TRAPPC10: variants seen among roughly 807,000 people sequenced by gnomAD.
TRAPPC10 encodes TRAPP 130 kDa subunit.
A neutral mutation model predicts 125.5 loss-of-function variants in TRAPPC10; 23 were observed. The observed-to-expected ratio is 0.18, with a 90% CI of 0.13 to 0.26. TRAPPC10 has a LOEUF of 0.26. Ranked by LOEUF, TRAPPC10 falls within the 10% of genes least tolerant of loss-of-function variation. The pLI is 1.00. For synonymous variants in TRAPPC10, 509 were observed against 518.0 expected (o/e 0.98, Z 0.24); for missense variants, 1,123 against 1,308.4 (o/e 0.86, Z 2.19).
intron 7 of TRAPPC10, among the ~76,000 whole-genome samples, chr21:44,066,515 CT>C (rs947858211): frequency 4.6e-5 from 7 of 151,500 alleles, no homozygotes; most frequent in Admixed American, 6.6e-5. Context: ...AGAGTATTTC[CT>C]TTTTTTTTCT....
At chr21:44,088,852 G>C (rs2038351652) in intron 17 of TRAPPC10, 1 of 155,808 alleles carries the variant, frequency 6.4e-6, no homozygotes, top group Non-Finnish European at 1.4e-5. Flanking sequence ...CCCTGACACT[G>C]GCGGCACCTG....
intron 1 of TRAPPC10, 115 bp downstream of exon 1, chr21:44,012,675 T>C: frequency 1.1e-6 from 1 of 901,756 alleles, no homozygotes; most frequent in Non-Finnish European, 1.6e-6. Flanking sequence ...GCTGGGCCGC[T>C]TCCTGGAGGT....
chr21:44,092,615 C>G (rs1308851025), intron 19 of TRAPPC10, among the ~76,000 whole-genome samples: 2 of 144,974 alleles, frequency 1.4e-5, no homozygotes, highest in African/African-American at 5.2e-5. Flanking sequence ...AGGATTTGCC[C>G]CCACTAATCC....
At position 44,087,986 on chromosome 21, in the gene TRAPPC10, C is replaced by CT; in HGVS notation, c.2769+59dup. The stretch of plus-strand genomic sequence containing the variant: ...GGGGCGTCCGCCGCCCGCCTGCCTG[C>CT]TGGGAAAGGCGATGTAGCGATGCCT... On this transcript the variant is annotated intron_variant, in intron 17 of 22. Coordinates refer to ENST00000291574, the MANE Select transcript of TRAPPC10 (RefSeq NM_003274.5). This position sits in a 1 kb window ranked among gnomAD's most constrained non-coding sequence, Gnocchi z 4.6. 1 of 1,459,190 alleles carries CT rather than the reference C, an allele frequency of 6.9e-7. No homozygotes were observed. Among genetic ancestry groups the CT allele is most frequent in the South Asian group, 1.2e-5 (1 of 83,436 alleles). 90.4% of individuals were successfully genotyped at this position (1,459,190 alleles called of 1,614,324 possible). A position where few individuals can be genotyped will look rare whatever the true frequency, so the allele number is the denominator to read the frequency against.
chr21:44,022,563 C>T (rs1032126244), intron 1 of TRAPPC10, among the ~76,000 whole-genome samples: 2 of 151,032 alleles, frequency 1.3e-5, no homozygotes, highest in Non-Finnish European at 2.9e-5. Flanking sequence ...ATCCGCCCAC[C>T]TTTGCCTCCC....
At chr21:44,040,956 G>A (rs147494492) in intron 3 of TRAPPC10, among the ~76,000 whole-genome samples, 171 of 152,078 alleles carry the variant, frequency 1.1e-3, no homozygotes, top group East Asian at 8.5e-3. Context: ...TGCATTGCTG[G>A]TATAAATCCC....
intron 1 of TRAPPC10, among the ~76,000 whole-genome samples, chr21:44,021,315 G>A (rs986933078): frequency 6.6e-6 from 1 of 152,122 alleles, no homozygotes; most frequent in Non-Finnish European, 1.5e-5. Context: ...AGAGAGCAAA[G>A]ATCCCAACCC....
chr21:44,051,823 C>A (rs1011119739), intron 3 of TRAPPC10, among the ~76,000 whole-genome samples: 5 of 152,212 alleles, frequency 3.3e-5, no homozygotes, highest in Non-Finnish European at 7.3e-5. Flanking sequence ...GCCTGGGGTT[C>A]CTGTGGGCAG....
At chr21:44,013,097 G>A (rs2031355467) in intron 1 of TRAPPC10, among the ~76,000 whole-genome samples, 1 of 152,152 alleles carries the variant, frequency 6.6e-6, no homozygotes. Flanking sequence ...TCCCCGCCGC[G>A]CACTCAAACC....
At chr21:44,043,077 G>A (rs549318474) in intron 3 of TRAPPC10, among the ~76,000 whole-genome samples, 1 of 152,058 alleles carries the variant, frequency 6.6e-6, no homozygotes, top group Admixed American at 6.5e-5. Flanking sequence ...TCATAATAGT[G>A]TGTCTTTTCT....
chr21:44,079,417 G>C (rs1051809376), intron 11 of TRAPPC10, 147 bp from the exon 12 acceptor site: 9 of 773,140 alleles, frequency 1.2e-5, no homozygotes, highest in African/African-American at 7.2e-5. Context: ...CTCACGGAGT[G>C]GGGTGGGTGG....
Position 44,076,554 on chromosome 21 carries a change from A to G in TRAPPC10, c.1303A>G (p.Asn435Asp), listed in dbSNP as rs776546385. The G allele has an allele frequency of 6.2e-7, 1 of 1,613,862 alleles. No individual in the cohort carries two copies. The highest frequency in any genetic ancestry group is 8.5e-7 in the Non-Finnish European group (1 of 1,179,870). ...GLGAERPETA[N>D]TAQSPYKKLK... The stretch of plus-strand genomic sequence containing the variant: ...ACTCTCGTTTCTTTCTGTTTAAGCC[A>G]ACACAGCTCAGAGTCCTTATAAGAA... The change falls in exon 10 of 23, where the codon AAC (asparagine) becomes GAC (aspartate). Residue 435 changes from asparagine (N) to aspartate (D), a missense_variant and splice_region_variant. Asn to Asp is a conservative substitution (Grantham distance 23). Coordinates refer to ENST00000291574, the MANE Select transcript of TRAPPC10 (RefSeq NM_003274.5).
In TRAPPC10 at chr21:44,059,312, G is replaced by A. The variant is rs984761766; in HGVS notation, c.790+98G>A. 29 of 815,724 alleles carry A rather than the reference G, an allele frequency of 3.6e-5. No individual in the cohort carries two copies. The highest frequency in any genetic ancestry group is 1.6e-4 in the African/African-American group (9 of 57,984). 50.5% of individuals were successfully genotyped at this position (815,724 alleles called of 1,614,324 possible). On this transcript the variant is annotated intron_variant, in intron 6 of 22. Transcript: ENST00000291574. The surrounding 1 kb of genome is among the most constrained non-coding windows in gnomAD (Gnocchi z 4.4). ...AGCCATTTATTTACCTCAGGAGTAC[G>A]CATGTTTTGTTGTTGTCTTTATACA... is the stretch of plus-strand genomic sequence containing the variant.
rs1399288859 is a variant in TRAPPC10 at position 44,032,180 on chromosome 21, T to A, written c.149+8T>A. The A allele has an allele frequency of 4.3e-6, 7 of 1,610,392 alleles. No homozygotes were observed. Among genetic ancestry groups the A allele is most frequent in the Non-Finnish European group, 5.9e-6 (7 of 1,178,376 alleles). ...ACCAATGGAATGGAGAAGGTATGAG[T>A]TGTGTGTTTTTTGGCTGTATCCCTC... On this transcript the variant is annotated splice_region_variant and intron_variant, in intron 2 of 22. Coordinates refer to ENST00000291574, the MANE Select transcript of TRAPPC10 (RefSeq NM_003274.5).
chr21:44,025,819 GGGGT>G (rs1305066987), intron 1 of TRAPPC10, among the ~76,000 whole-genome samples: 29 of 132,200 alleles, frequency 2.2e-4, no homozygotes, highest in African/African-American at 8.2e-4. Context: ...GCAGAGGGCA[GGGGT>G]GTGTGTGTGT....
chr21:44,052,577 T>C, intron 4 of TRAPPC10, 101 bp downstream of exon 4: 1 of 1,129,466 alleles, frequency 8.9e-7, no homozygotes, highest in East Asian at 2.5e-5. Flanking sequence ...CAATCTCGAG[T>C]GAGTGTCCAT....
intron 2 of TRAPPC10, among the ~76,000 whole-genome samples, chr21:44,034,646 T>A (rs1274928188): frequency 6.6e-6 from 1 of 152,190 alleles, no homozygotes. Flanking sequence ...TACGTCCACC[T>A]GAAACCTCAG....
Position 44,087,101 on chromosome 21 carries a change from G to T in TRAPPC10, c.2539+141G>T. 1.1e-6 allele frequency: 1 copy of T among 922,738 alleles called. No individual in the cohort carries two copies. 57.2% of individuals were successfully genotyped at this position (922,738 alleles called of 1,614,324 possible). The stretch of plus-strand genomic sequence containing the variant: ...GGAGTCCGTGTTCCATAGGAGCCCT[G>T]CGGCCTGATGCCTGTGCTGGGGTCC... On this transcript the variant is annotated intron_variant, in intron 16 of 22. Coordinates refer to ENST00000291574, the MANE Select transcript of TRAPPC10 (RefSeq NM_003274.5). The surrounding 1 kb of genome is among the most constrained non-coding windows in gnomAD (Gnocchi z 4.6).
At chr21:44,086,209 G>C (rs1416470689) in intron 15 of TRAPPC10, among the ~76,000 whole-genome samples, 1 of 152,150 alleles carries the variant, frequency 6.6e-6, no homozygotes, top group Admixed American at 6.5e-5. Flanking sequence ...AGTGTCCCCT[G>C]TCTCTGTCCA....
Sources: gnomAD v4.1 joint callset for allele counts (sites outside exome capture counted in the v4.1 genomes callset) on GRCh38, gnomAD v4.1.1 for gene constraint, Gnocchi (gnomAD v3.1) non-coding constraint, MANE v1.5 for transcripts, NCBI Gene and HGNC (gene_info 2026-07-23, HGNC 2026-07-21) for gene names.